Variants in RERE observed in about 807,000 individuals in gnomAD.
RERE encodes the protein arginine-glutamic acid dipeptide repeats protein.
A neutral mutation model predicts 146.1 loss-of-function variants in RERE; 40 were observed. The observed-to-expected ratio is 0.27, with a 90% CI of 0.21 to 0.36. The LOEUF (loss-of-function observed/expected upper bound fraction) is 0.36. Among genes scored for constraint, RERE ranks in the 10% least tolerant of loss-of-function variants. RERE has a pLI of 1.00. For missense variants in RERE, 1,933 were observed against 2,138.7 expected (o/e 0.90, Z 1.90); for synonymous variants, 1,003 against 866.0 (o/e 1.16, Z -2.78).
intron 10 of RERE, among the ~76,000 whole-genome samples, chr1:8,490,954 T>C (rs373540243): frequency 1.3e-5 from 2 of 150,700 alleles, no homozygotes; most frequent in South Asian, 2.1e-4. Flanking sequence ...CAGAGCAGTT[T>C]ATTATACATA....
At chr1:8,631,153 T>G (rs756610711) in intron 2 of RERE, among the ~76,000 whole-genome samples, 2 of 152,234 alleles carry the variant, frequency 1.3e-5, no homozygotes, top group Non-Finnish European at 2.9e-5. Flanking sequence ...ATTCCTACAT[T>G]TCTCTTTTCT....
intron 1 of RERE, among the ~76,000 whole-genome samples, chr1:8,793,417 G>A (rs905546988): frequency 6.6e-6 from 1 of 152,052 alleles, no homozygotes; most frequent in African/African-American, 2.4e-5. Context: ...AAGATGTCTT[G>A]GATTTCAAAG....
intron 6 of RERE, among the ~76,000 whole-genome samples, chr1:8,547,501 C>T (rs1645878640): frequency 6.6e-6 from 1 of 151,928 alleles, no homozygotes; most frequent in African/African-American, 2.4e-5. Context: ...AAAATATTTG[C>T]AACAATTGCC....
intron 1 of RERE, among the ~76,000 whole-genome samples, chr1:8,720,267 C>A (rs1439476390): frequency 7.2e-6 from 1 of 138,352 alleles, no homozygotes; most frequent in Non-Finnish European, 1.6e-5. Context: ...AAGACTCCAT[C>A]TCAAAAAAAA....
intron 6 of RERE, among the ~76,000 whole-genome samples, chr1:8,543,445 C>T (rs902780404): frequency 6.6e-6 from 1 of 152,126 alleles, no homozygotes; most frequent in Admixed American, 6.6e-5. Context: ...GTAAGTTATT[C>T]CTATTATTGT....
At chr1:8,431,619 A>C (rs1644096712) in intron 11 of RERE, among the ~76,000 whole-genome samples, 1 of 152,196 alleles carries the variant, frequency 6.6e-6, no homozygotes, top group Admixed American at 6.5e-5. Context: ...CCTGGTTCCA[A>C]AAAGGTTGGG....
chr1:8,366,623 G>A (rs1427204421), intron 12 of RERE, among the ~76,000 whole-genome samples: 1 of 152,186 alleles, frequency 6.6e-6, no homozygotes, highest in East Asian at 1.9e-4. Flanking sequence ...GACGTCCAGA[G>A]GCAAGGACTG....
chr1:8,476,606 G>A (rs1466295199), intron 10 of RERE, among the ~76,000 whole-genome samples: 3 of 152,174 alleles, frequency 2.0e-5, no homozygotes, highest in Non-Finnish European at 4.4e-5. Flanking sequence ...GCTCAGTCTG[G>A]AAAATCTAAA....
chr1:8,612,131 T>G (rs1271888096), intron 4 of RERE, among the ~76,000 whole-genome samples: 2 of 152,258 alleles, frequency 1.3e-5, no homozygotes, highest in African/African-American at 4.8e-5. Context: ...TAAATTATGA[T>G]GCAATCAATG....
chr1:8,385,841 C>T (rs1304758392), intron 12 of RERE, among the ~76,000 whole-genome samples: 4 of 148,644 alleles, frequency 2.7e-5, no homozygotes, highest in African/African-American at 4.9e-5. Context: ...TGGTGGCGGG[C>T]GCCTGTAGTC....
chr1:8,748,181 T>C (rs972036248), intron 1 of RERE, among the ~76,000 whole-genome samples: 1 of 152,180 alleles, frequency 6.6e-6, no homozygotes, highest in African/African-American at 2.4e-5. Flanking sequence ...CCTCTACCAT[T>C]TTACAGATAA....
At chr1:8,810,714 A>C (rs377179295) in intron 1 of RERE, among the ~76,000 whole-genome samples, 5 of 152,228 alleles carry the variant, frequency 3.3e-5, no homozygotes, top group African/African-American at 1.2e-4. Flanking sequence ...CTCATGAGAA[A>C]GAAACAGGTA....
chr1:8,495,267 T>A (rs1401779831), intron 9 of RERE, 105 bp from the exon 10 acceptor site: 2 of 808,814 alleles, frequency 2.5e-6, no homozygotes, highest in Non-Finnish European at 4.2e-6. Context: ...CAAATTCCAT[T>A]ACTACACGCA....
intron 2 of RERE, among the ~76,000 whole-genome samples, chr1:8,654,163 C>A (rs1344255782): frequency 6.6e-6 from 1 of 151,944 alleles, no homozygotes; most frequent in Non-Finnish European, 1.5e-5. Context: ...CCTCAGCCTC[C>A]TGAGTAGCTG....
intron 12 of RERE, among the ~76,000 whole-genome samples, chr1:8,379,705 G>A (rs1170850063): frequency 2.0e-5 from 3 of 152,208 alleles, no homozygotes; most frequent in Non-Finnish European, 2.9e-5. Context: ...GCCCACAGGG[G>A]GCACGCGGGG....
At chr1:8,788,033 G>C (rs1214717507) in intron 1 of RERE, among the ~76,000 whole-genome samples, 1 of 152,008 alleles carries the variant, frequency 6.6e-6, no homozygotes, top group Non-Finnish European at 1.5e-5. Context: ...GGGAGGTCAA[G>C]GCTGCAGTTA....
Position 8,591,830 on chromosome 1 carries a change from C to T in RERE, c.522+22731G>A, listed in dbSNP as rs1646497972. Among the ~76,000 whole-genome samples, 4 of 152,226 alleles carry T rather than the reference C, an allele frequency of 2.6e-5. No homozygotes were observed. The South Asian group carries it at 8.3e-4, about 31-fold the overall frequency. ...TGCACTGCTTTCTTGTGAAACACAT[C>T]TAACGTATGTCCTGCCCTTCCCACA... On this transcript the variant is annotated intron_variant, in intron 4 of 22. Transcript: ENST00000400908.
chr1:8,696,122 C>T (rs1435501019), intron 1 of RERE, among the ~76,000 whole-genome samples: 1 of 152,168 alleles, frequency 6.6e-6, no homozygotes, highest in African/African-American at 2.4e-5. Context: ...CAGTTATACA[C>T]TGTTGGTGGG....
At chr1:8,434,919 C>A (rs1644147650) in intron 11 of RERE, 1 of 152,232 alleles carries the variant, frequency 6.6e-6, no homozygotes, top group African/African-American at 2.4e-5. Context: ...TTGACTGCAA[C>A]CTCGTGAAAG....
Sources: gnomAD v4.1 joint callset for allele counts (sites outside exome capture counted in the v4.1 genomes callset) on GRCh38, gnomAD v4.1.1 for gene constraint, MANE v1.5 for transcripts, NCBI Gene and HGNC (gene_info 2026-07-23, HGNC 2026-07-21) for gene names.